The following C16orf89 variants were observed in gnomAD, a reference collection of about 807,000 sequenced individuals.
The protein encoded by C16orf89 is UPF0764 protein C16orf89.
In C16orf89, 57 loss-of-function variants were observed where a neutral mutation model predicts 41.5. The ratio of observed to expected loss-of-function variants is 1.38; its 90% CI spans 1.11 to 1.71. The LOEUF is 1.71. Ranked by LOEUF, C16orf89 falls within the 40% of genes most tolerant of loss-of-function variation. The probability of loss-of-function intolerance (pLI) is 0.00; values close to 1 mark genes in which losing one functional copy is unlikely to be tolerated. For missense variants in C16orf89, 575 were observed against 445.9 expected (o/e 1.29, Z -2.61); for synonymous variants, 223 against 190.6 (o/e 1.17, Z -1.40).
At chr16:5,044,062 A>T, downstream of C16orf89, 1 of 1,025,130 alleles carries the variant, frequency 9.8e-7, no homozygotes, top group Non-Finnish European at 1.2e-6. Context: ...GAGAGTTGAA[A>T]CAGACCAAGA....
chr16:5,059,085 CA>C (rs1273521358), intron 3 of C16orf89, among the ~76,000 whole-genome samples: 4 of 151,810 alleles, frequency 2.6e-5, no homozygotes, highest in Non-Finnish European at 5.9e-5. Flanking sequence ...ACAAAAAATA[CA>C]AAAATTAGCT....
chr16:5,047,764 C>T (rs1277804748), intron 7 of C16orf89, 114 bp downstream of exon 7: 4 of 705,740 alleles, frequency 5.7e-6, no homozygotes, highest in Non-Finnish European at 1.0e-5. Context: ...CTGATTAGTG[C>T]CCCTTTGGTG....
At chr16:5,052,040 T>C (rs1596688808) in intron 6 of C16orf89, among the ~76,000 whole-genome samples, 1 of 132,564 alleles carries the variant, frequency 7.5e-6, no homozygotes, top group African/African-American at 2.9e-5. Flanking sequence ...GAGGTGGAGG[T>C]TGCAGTGAGC....
intron 7 of C16orf89, among the ~76,000 whole-genome samples, chr16:5,045,050 T>C (rs1444493438): frequency 1.3e-5 from 2 of 152,192 alleles, no homozygotes; most frequent in Non-Finnish European, 1.5e-5. Context: ...CCCAGGGGGA[T>C]GACTCTGGTG....
chr16:5,044,285 C>T lies in C16orf89; in HGVS notation c.*63G>A. On this transcript the variant is annotated 3_prime_UTR_variant, in exon 8 of 8. Coordinates refer to ENST00000472572, the MANE Select transcript of C16orf89 (RefSeq NM_001098514.3). ...GGATGTGATCCGTGCCCTCCAGGAT[C>T]TAAGGGATGAGGACTAAAGGGGTCT... 1 of 1,509,426 alleles carries T rather than the reference C, an allele frequency of 6.6e-7. No homozygotes were observed. The highest frequency in any genetic ancestry group is 8.8e-7 in the Non-Finnish European group (1 of 1,131,202). The allele number at this position is 1,509,426 out of a possible 1,614,324, so 93.5% of individuals were successfully genotyped here. A position where few individuals can be genotyped will look rare whatever the true frequency, so the allele number is the denominator to read the frequency against.
intron 7 of C16orf89, among the ~76,000 whole-genome samples, chr16:5,046,998 G>A (rs553910472): frequency 4.6e-4 from 70 of 152,222 alleles, no homozygotes; most frequent in African/African-American, 1.6e-3. Flanking sequence ...ATTGGCTTTC[G>A]GGTCCCTTCT....
In C16orf89 at chr16:5,057,976, C is replaced by G. The variant is rs543998301; in HGVS notation, c.627+517G>C. Among the ~76,000 whole-genome samples, 4 of 152,184 alleles carry G rather than the reference C, an allele frequency of 2.6e-5. 1 individual carries two copies. In the South Asian group the frequency reaches 6.2e-4, roughly 24 times the overall value. On this transcript the variant is annotated intron_variant, in intron 4 of 7. Transcript: ENST00000472572. ...CACTGGCCTAACAGAATCCCAAATG[C>G]CAGATCCCAAATCGGCTCAATTACA...
intron 1 of C16orf89, among the ~76,000 whole-genome samples, chr16:5,064,361 A>G (rs1956692359): frequency 6.6e-6 from 1 of 152,198 alleles, no homozygotes; most frequent in African/African-American, 2.4e-5. Context: ...GCTGCTAGTC[A>G]AGGATGCTCA....
chr16:5,046,670 A>T (rs1019609166), intron 7 of C16orf89, among the ~76,000 whole-genome samples: 2 of 152,172 alleles, frequency 1.3e-5, no homozygotes, highest in African/African-American at 4.8e-5. Flanking sequence ...TTTATTAATG[A>T]AAAATTGAAA....
At position 5,065,950 on chromosome 16, in the gene C16orf89, G is replaced by A. The variant is rs1227397486; in HGVS notation, c.-42C>T. 2.5e-6 allele frequency: 4 copies of A among 1,603,182 alleles called. No individual in the cohort carries two copies. Among genetic ancestry groups the A allele is most frequent in the Non-Finnish European group, 3.4e-6 (4 of 1,176,674 alleles). ...CTGCTGGTCACACGCTCAGCACCCT[G>A]AGCTCTGGCCAAGCCCAGACTGCCT... On this transcript the variant is annotated 5_prime_UTR_variant, in exon 1 of 8. Coordinates refer to ENST00000472572, the MANE Select transcript of C16orf89 (RefSeq NM_001098514.3).
chr16:5,061,432 CAAAAAAAAAAAAAAA>C (rs59903296), intron 2 of C16orf89, among the ~76,000 whole-genome samples: 13,325 of 25,948 alleles, frequency 0.51, 1,864 homozygotes, highest in South Asian at 0.67. Context: ...GACTCTGTCT[CAAAAAAAAAAAAAAA>C]AAAAAAAAAA....
chr16:5,048,041 A>G, intron 6 of C16orf89, 77 bp from the exon 7 acceptor site: 1 of 814,990 alleles, frequency 1.2e-6, no homozygotes, highest in Non-Finnish European at 2.0e-6. Flanking sequence ...TACTGCTTTT[A>G]TTGTAGAGAC....
At chr16:5,061,754 C>G (rs955949159) in intron 2 of C16orf89, among the ~76,000 whole-genome samples, 1 of 152,094 alleles carries the variant, frequency 6.6e-6, no homozygotes, top group African/African-American at 2.4e-5. Context: ...TGAAGCGTGG[C>G]CTGGCTACCT....
chr16:5,046,709 T>A (rs1006523239), intron 7 of C16orf89, among the ~76,000 whole-genome samples: 13 of 152,210 alleles, frequency 8.5e-5, no homozygotes, highest in Non-Finnish European at 1.5e-5. Flanking sequence ...TCTTGGTTCC[T>A]CCCTTCCTGT....
chr16:5,055,453 T>G (rs1956478953), intron 5 of C16orf89, 103 bp from the exon 6 acceptor site: 4 of 1,169,100 alleles, frequency 3.4e-6, no homozygotes, highest in Non-Finnish European at 4.9e-6. Flanking sequence ...CTGCCTGGGT[T>G]AGGCTTAGGA....
chr16:5,054,892 C>G (rs1271135799), intron 6 of C16orf89, among the ~76,000 whole-genome samples: 1 of 152,136 alleles, frequency 6.6e-6, no homozygotes, highest in African/African-American at 2.4e-5. Context: ...GTGAGGCCTC[C>G]CCAGCAGTGT....
At chr16:5,043,449 G>C (rs1773434524), downstream of C16orf89, 1 of 152,234 alleles carries the variant, frequency 6.6e-6, no homozygotes, top group African/African-American at 2.4e-5. Context: ...GCTAGGACTT[G>C]AATTCAGGCA....
chr16:5,051,507 C>G (rs1417242934), intron 6 of C16orf89, among the ~76,000 whole-genome samples: 3 of 152,088 alleles, frequency 2.0e-5, no homozygotes, highest in African/African-American at 4.8e-5. Flanking sequence ...TGAAAGATCT[C>G]TACAAGGAAA....
At position 5,065,737 on chromosome 16, in the gene C16orf89, T is replaced by A. The variant is rs1956728013; in HGVS notation, c.172A>T (p.Asn58Tyr). 6.2e-7 allele frequency: 1 copy of A among 1,613,982 alleles called. No individual in the cohort carries two copies. Among genetic ancestry groups the A allele is most frequent in the Admixed American group, 1.7e-5 (1 of 60,006 alleles). Reference protein sequence around the residue: ...VFLEQRLPEINLDGMVGVRVL... With the variant: ...VFLEQRLPEIYLDGMVGVRVL... ...CGGACCCCCACCATGCCATCCAGGT[T>A]GATTTCAGGCAGCCTCTGTTCTAGG... The change falls in exon 1 of 8, where the codon AAC (asparagine) becomes TAC (tyrosine). Residue 58 changes from asparagine to tyrosine, a missense_variant. Asn to Tyr is a moderately radical substitution (Grantham distance 143). Coordinates refer to ENST00000472572, the MANE Select transcript of C16orf89 (RefSeq NM_001098514.3).
Sources: gnomAD v4.1 joint callset for allele counts (sites outside exome capture counted in the v4.1 genomes callset) on GRCh38, gnomAD v4.1.1 for gene constraint, MANE v1.5 for transcripts, NCBI Gene and HGNC (gene_info 2026-07-23, HGNC 2026-07-21) for gene names.